ZNF214: variants seen among roughly 807,000 people sequenced by gnomAD.
The protein encoded by ZNF214 is BWSCR2-associated zinc finger protein 1.
A neutral mutation model predicts 53.9 loss-of-function variants in ZNF214; 43 were observed. The ratio of observed to expected loss-of-function variants is 0.80; its 90% CI spans 0.63 to 1.03. ZNF214 has a LOEUF of 1.03. Ranked by LOEUF, ZNF214 falls within the 50% of genes least tolerant of loss-of-function variation. ZNF214 has a pLI of 0.00. For synonymous variants in ZNF214, 217 were observed against 229.5 expected (o/e 0.95, Z 0.49); for missense variants, 724 against 719.1 (o/e 1.01, Z -0.08).
chr11:7,018,794 G>C (rs373273161), intron 1 of ZNF214, among the ~76,000 whole-genome samples: 1 of 152,096 alleles, frequency 6.6e-6, no homozygotes, highest in Admixed American at 6.5e-5. Flanking sequence ...GAGCCACCGC[G>C]CCTGGCGATG....
intron 1 of ZNF214, among the ~76,000 whole-genome samples, chr11:7,014,870 C>T (rs530261772): frequency 1.5e-3 from 225 of 149,658 alleles, no homozygotes; most frequent in Non-Finnish European, 2.6e-3. Flanking sequence ...GCTGAGATCA[C>T]GCTACTGGAC....
Position 6,999,842 on chromosome 11 carries a change from G to A in ZNF214, c.*20C>T. On this transcript the variant is annotated 3_prime_UTR_variant, in exon 3 of 3. Coordinates refer to ENST00000278314, the MANE Select transcript of ZNF214 (RefSeq NM_013249.4). ...GGTTAGGTAAACTTTGATTAAAGCT[G>A]TTAACTAAATGAACAATATTTATAA... 6.3e-7 allele frequency: 1 copy of A among 1,577,034 alleles called. No homozygotes were observed. Among genetic ancestry groups the A allele is most frequent in the Non-Finnish European group, 8.6e-7 (1 of 1,162,468 alleles).
rs772323066 is a variant in ZNF214, at chr11:6,999,115, C to A, written c.*747G>T. On this transcript the variant is annotated 3_prime_UTR_variant, in exon 3 of 3. Coordinates refer to ENST00000278314, the MANE Select transcript of ZNF214 (RefSeq NM_013249.4). The stretch of plus-strand genomic sequence containing the variant: ...CATTTCTAGCACTTTTGTCCATACC[C>A]TTCACACCTTAGAGAAAATTCTGTA... 1.3e-5 allele frequency among the ~76,000 whole-genome samples: 2 copies of A among 151,918 alleles called. No individual in the cohort carries two copies. Among genetic ancestry groups the A allele is most frequent in the Non-Finnish European group, 2.9e-5 (2 of 67,904 alleles).
Position 7,001,375 on chromosome 11 carries a change from C to T in ZNF214, c.308G>A (p.Cys103Tyr), listed in dbSNP as rs544383366. 6.8e-6 allele frequency: 11 copies of T among 1,613,204 alleles called. No individual in the cohort carries two copies. The Admixed American group carries it at 8.3e-5, about 12-fold the overall frequency. Residue 103 changes from cysteine to tyrosine, a missense_variant, in exon 3 of 3, where the codon TGT becomes TAT. Transcript: ENST00000278314. ...KDLTQQDRSQ[C>Y]QEWLILSTQV... ...TGTGGAGAGTATTAACCATTCCTGA[C>T]ACTGGGAACGATCTTGCTGTGTGAG...
At chr11:7,009,345 G>C (rs1336002767) in intron 1 of ZNF214, among the ~76,000 whole-genome samples, 1 of 152,050 alleles carries the variant, frequency 6.6e-6, no homozygotes, top group Non-Finnish European at 1.5e-5. Context: ...CCTATTCAAT[G>C]AATGGTGCTA....
intron 2 of ZNF214, 135 bp from the exon 3 acceptor site, chr11:7,001,690 C>T: frequency 2.0e-6 from 2 of 977,234 alleles, no homozygotes; most frequent in Admixed American, 2.9e-5. Flanking sequence ...TATGACTCTG[C>T]CTGCTCCATT....
chr11:7,004,412 C>T (rs1301387436), intron 1 of ZNF214, among the ~76,000 whole-genome samples: 6 of 151,670 alleles, frequency 4.0e-5, no homozygotes, highest in Non-Finnish European at 4.4e-5. Flanking sequence ...CACTTCAGTA[C>T]AGGTAGACCT....
intron 1 of ZNF214, among the ~76,000 whole-genome samples, chr11:7,005,720 T>C (rs1851457484): frequency 6.6e-6 from 1 of 152,112 alleles, no homozygotes; most frequent in Non-Finnish European, 1.5e-5. Context: ...CTTAAACCTT[T>C]CACTAAAAGT....
chr11:7,012,964 T>C (rs1046609619), intron 1 of ZNF214, among the ~76,000 whole-genome samples: 1 of 149,926 alleles, frequency 6.7e-6, no homozygotes, highest in South Asian at 2.2e-4. Flanking sequence ...AGATAAGTTG[T>C]TGGTTACATC....
At chr11:7,004,624 GCTCT>G (rs964592088) in intron 1 of ZNF214, among the ~76,000 whole-genome samples, 2 of 152,020 alleles carry the variant, frequency 1.3e-5, no homozygotes, top group African/African-American at 4.8e-5. Context: ...CTTCTTTCTT[GCTCT>G]CTCTCTGGGA....
chr11:7,005,645 T>G (rs189814117), intron 1 of ZNF214, among the ~76,000 whole-genome samples: 2 of 152,124 alleles, frequency 1.3e-5, no homozygotes, highest in African/African-American at 4.8e-5. Context: ...ATAGTACATT[T>G]TAGTTAGCTA....
At position 7,002,783 on chromosome 11, in the gene ZNF214, T is replaced by G. The variant is rs529143459; in HGVS notation, c.53A>C (p.Lys18Thr). 1.2e-6 allele frequency: 2 copies of G among 1,610,074 alleles called. No individual in the cohort carries two copies. The highest frequency in any genetic ancestry group is 1.7e-5 in the Admixed American group (1 of 59,492). Residue 18 changes from lysine (K) to threonine (T), a missense_variant, in exon 2 of 3, where the codon AAA (lysine) becomes ACA (threonine). By Grantham distance (78) the Lys-to-Thr change is moderately conservative (BLOSUM62 -1). Coordinates refer to ENST00000278314, the MANE Select transcript of ZNF214 (RefSeq NM_013249.4). ...TCTTTTTTGAGAAGAATCCAGGAATTTCCACTCCTCCCATGTAAAAATAAT... is the reference window on the plus strand; with the variant it reads ...TCTTTTTTGAGAAGAATCCAGGAATGTCCACTCCTCCCATGTAAAAATAAT... Reference protein sequence around the residue: ...VTIIFTWEEWKFLDSSQKRLY... With the variant: ...VTIIFTWEEWTFLDSSQKRLY...
rs1491822 is a variant in ZNF214 at position 6,998,022 on chromosome 11, A to C, written c.*1840T>G. On this transcript the variant is annotated 3_prime_UTR_variant, in exon 3 of 3. Coordinates refer to ENST00000278314, the MANE Select transcript of ZNF214 (RefSeq NM_013249.4). ...CTTTTATACCATGATTTCCACATTC[A>C]CAAACTCTCTTTAAGGCACATATAC... Among the ~76,000 whole-genome samples, 89,852 of 151,760 alleles carry C rather than the reference A, an allele frequency of 0.59. 27,373 individuals carry two copies. Among genetic ancestry groups the C allele is most frequent in the East Asian group, 0.74 (3,804 of 5,158 alleles).
At chr11:7,001,643 A>G (rs1362622954) in intron 2 of ZNF214, 88 bp from the exon 3 acceptor site, 20 of 1,431,776 alleles carry the variant, frequency 1.4e-5, no homozygotes, top group Non-Finnish European at 1.8e-5. Flanking sequence ...TTTAAATGAT[A>G]GGAATATATG....
intron 1 of ZNF214, among the ~76,000 whole-genome samples, chr11:7,003,826 TAAG>T (rs2133388060): frequency 6.6e-6 from 1 of 151,926 alleles, no homozygotes; most frequent in East Asian, 1.9e-4. Flanking sequence ...TAACCACAAA[TAAG>T]AACTCAAGAA....
chr11:7,018,979 C>T lies in ZNF214; in HGVS notation c.-21+1094G>A, dbSNP rs573154970. Among the ~76,000 whole-genome samples the T allele has an allele frequency of 1.3e-3, 195 of 152,314 alleles. 2 individuals carry two copies. Among genetic ancestry groups the T allele is most frequent in the Middle Eastern group, 3.4e-3 (1 of 294 alleles). On this transcript the variant is annotated intron_variant, in intron 1 of 2. Transcript: ENST00000278314. ...AAGCGAGGAACGTTTTCTGTCCAGTCATCCATCCATCCTCATTGCCACCTC... is the reference window on the plus strand; with the variant it reads ...AAGCGAGGAACGTTTTCTGTCCAGTTATCCATCCATCCTCATTGCCACCTC...
chr11:7,000,897 C>G lies in ZNF214; in HGVS notation c.786G>C (p.Leu262Phe). 1 of 1,613,192 alleles carries G rather than the reference C, an allele frequency of 6.2e-7. No homozygotes were observed. Among genetic ancestry groups the G allele is most frequent in the South Asian group, 1.1e-5 (1 of 91,064 alleles). ...CTATGTGGTTTCTTGGATGTCTATACAAGTCTGATCTCTGAGAGAAGCATG... is the reference window on the plus strand; with the variant it reads ...CTATGTGGTTTCTTGGATGTCTATAGAAGTCTGATCTCTGAGAGAAGCATG... Reference protein sequence around the residue: ...CKACFSQRSDLYRHPRNHIGK... With the variant: ...CKACFSQRSDFYRHPRNHIGK... The change falls in exon 3 of 3, where the codon TTG becomes TTC. Residue 262 changes from leucine (L) to phenylalanine (F), a missense_variant. Coordinates refer to ENST00000278314, the MANE Select transcript of ZNF214 (RefSeq NM_013249.4).
chr11:7,007,965 A>G (rs1173155949), intron 1 of ZNF214, among the ~76,000 whole-genome samples: 1 of 152,174 alleles, frequency 6.6e-6, no homozygotes, highest in Non-Finnish European at 1.5e-5. Context: ...TAGAATTTTA[A>G]AAGTCCACAC....
At chr11:7,001,681 A>G in intron 2 of ZNF214, 126 bp from the exon 3 acceptor site, 1 of 1,093,036 alleles carries the variant, frequency 9.1e-7, no homozygotes, top group Non-Finnish European at 1.3e-6. Context: ...AAGAAGGGTT[A>G]TGACTCTGCC....
Sources: allele counts gnomAD v4.1 joint callset (sites outside exome capture counted in the v4.1 genomes callset), GRCh38; gene constraint gnomAD v4.1.1; transcripts MANE v1.5; gene names NCBI Gene and HGNC (gene_info 2026-07-23, HGNC 2026-07-21).